The following STAG1 variants were observed in gnomAD, a reference collection of about 807,000 sequenced individuals.
STAG1 encodes cohesin subunit SA-1.
Under a neutral mutation model 170.9 loss-of-function variants are expected in STAG1, and 26 were observed. The ratio of observed to expected loss-of-function variants is 0.15; its 90% confidence interval spans 0.11 to 0.21. The LOEUF is 0.21. Ranked by LOEUF, STAG1 falls within the 10% of genes least tolerant of loss-of-function variation. STAG1 has a pLI of 1.00. For synonymous variants in STAG1, 514 were observed against 497.7 expected (o/e 1.03, Z -0.44); for missense variants, 964 against 1,509.5 (o/e 0.64, Z 5.99).
In STAG1 at chr3:136,473,907, G is replaced by A. The variant is rs77308540; in HGVS notation, c.1027-270C>T. Among the ~76,000 whole-genome samples, 978 of 152,178 alleles carry A rather than the reference G, an allele frequency of 6.4e-3. 12 individuals carry two copies. The highest frequency in any genetic ancestry group is 0.022 in the African/African-American group (928 of 41,526). On this transcript the variant is annotated intron_variant, in intron 10 of 33. Transcript: ENST00000383202. Reference sequence around the variant, plus strand: ...TGACTCAACATGTGGTATAACCCACGTCATCCAGAGGCACAAAGAGAGAAT... The same window carrying A: ...TGACTCAACATGTGGTATAACCCACATCATCCAGAGGCACAAAGAGAGAAT...
chr3:136,387,747 C>T (rs1236701434), intron 22 of STAG1, among the ~76,000 whole-genome samples: 1 of 152,186 alleles, frequency 6.6e-6, no homozygotes, highest in African/African-American at 2.4e-5. Flanking sequence ...TCTGAATCCC[C>T]ACCTGCTGAC....
At chr3:136,427,228 CAA>C (rs1207772784) in intron 16 of STAG1, among the ~76,000 whole-genome samples, 30 of 109,954 alleles carry the variant, frequency 2.7e-4, no homozygotes, top group South Asian at 8.2e-4. Flanking sequence ...GACTCCAACT[CAA>C]AAAAAAAAAA....
chr3:136,400,262 C>A (rs2087280905), intron 21 of STAG1, among the ~76,000 whole-genome samples: 1 of 151,274 alleles, frequency 6.6e-6, no homozygotes, highest in Non-Finnish European at 1.5e-5. Flanking sequence ...GAGTCTTGCT[C>A]TGTTGCCCAG....
intron 7 of STAG1, among the ~76,000 whole-genome samples, chr3:136,516,549 G>T (rs1195544551): frequency 6.6e-6 from 1 of 151,872 alleles, no homozygotes; most frequent in Non-Finnish European, 1.5e-5. Context: ...GAAAATGCAT[G>T]CTGTTCGTTT....
intron 26 of STAG1, among the ~76,000 whole-genome samples, chr3:136,362,921 G>A (rs995019057): frequency 6.6e-6 from 1 of 151,598 alleles, no homozygotes; most frequent in African/African-American, 2.4e-5. Flanking sequence ...TATATATTAT[G>A]TATTTTTATA....
chr3:136,495,363 CAGAAGA>C (rs1247590272), intron 9 of STAG1, among the ~76,000 whole-genome samples: 1 of 151,948 alleles, frequency 6.6e-6, no homozygotes, highest in Non-Finnish European at 1.5e-5. Context: ...AAATAAAACA[CAGAAGA>C]AATCTTAGGG....
intron 1 of STAG1, among the ~76,000 whole-genome samples, chr3:136,751,650 G>A (rs1047515978): frequency 2.0e-5 from 3 of 151,942 alleles, no homozygotes; most frequent in African/African-American, 4.8e-5. Context: ...CCCGCCGAGC[G>A]ACCCCCCAGG....
chr3:136,475,300 C>T (rs1369156690), intron 10 of STAG1, among the ~76,000 whole-genome samples: 1 of 151,990 alleles, frequency 6.6e-6, no homozygotes, highest in Non-Finnish European at 1.5e-5. Flanking sequence ...GTGCCCACCA[C>T]CATGCCCAGC....
intron 15 of STAG1, among the ~76,000 whole-genome samples, chr3:136,438,260 G>A (rs557300946): frequency 1.8e-5 from 2 of 113,688 alleles, no homozygotes; most frequent in Non-Finnish European, 3.7e-5. Context: ...TTTTTTTTGA[G>A]ATGGAGTCTC....
At chr3:136,710,510 T>A (rs1407784510) in intron 1 of STAG1, among the ~76,000 whole-genome samples, 3 of 152,156 alleles carry the variant, frequency 2.0e-5, no homozygotes, top group East Asian at 1.9e-4. Context: ...CCCGGTACTT[T>A]GCTTCTTTTC....
At chr3:136,639,646 G>A (rs552723929) in intron 1 of STAG1, among the ~76,000 whole-genome samples, 6 of 152,228 alleles carry the variant, frequency 3.9e-5, no homozygotes, top group Non-Finnish European at 5.9e-5. Context: ...CAGTACTTAC[G>A]AGAAAACTGT....
intron 9 of STAG1, among the ~76,000 whole-genome samples, chr3:136,497,902 T>C (rs1559841426): frequency 6.9e-6 from 1 of 145,722 alleles, no homozygotes; most frequent in Non-Finnish European, 1.5e-5. Flanking sequence ...TATGAAAATA[T>C]TACAGCTAGG....
At position 136,473,228 on chromosome 3, in the gene STAG1, C is replaced by T. The variant is rs534975475; in HGVS notation, c.1125+311G>A. Among the ~76,000 whole-genome samples the T allele has an allele frequency of 9.2e-5, 14 of 152,228 alleles. No individual in the cohort carries two copies. In the South Asian group the frequency reaches 2.9e-3, roughly 32 times the overall value. On this transcript the variant is annotated intron_variant, in intron 11 of 33. Coordinates refer to ENST00000383202, the MANE Select transcript of STAG1 (RefSeq NM_005862.3). ...TAGTTGCAGGAAAACAAGTTCAGGGCTGCAATGATTCTACCTTATGGTGAG... is the reference window on the plus strand; with the variant it reads ...TAGTTGCAGGAAAACAAGTTCAGGGTTGCAATGATTCTACCTTATGGTGAG...
At chr3:136,541,066 T>C (rs1466648651) in intron 6 of STAG1, among the ~76,000 whole-genome samples, 2 of 152,026 alleles carry the variant, frequency 1.3e-5, no homozygotes, top group African/African-American at 4.8e-5. Flanking sequence ...TGGTATACAT[T>C]AGAATCACCT....
chr3:136,365,959 C>G (rs1937058659), intron 25 of STAG1, among the ~76,000 whole-genome samples: 1 of 151,390 alleles, frequency 6.6e-6, no homozygotes, highest in Non-Finnish European at 1.5e-5. Flanking sequence ...CTAGTAAGCT[C>G]CTATTTATCC....
At chr3:136,559,205 A>C (rs903507709) in intron 5 of STAG1, among the ~76,000 whole-genome samples, 2 of 152,160 alleles carry the variant, frequency 1.3e-5, no homozygotes, top group African/African-American at 4.8e-5. Flanking sequence ...AGAATTCATT[A>C]AAATAGATTG....
At chr3:136,734,112 A>C (rs1209888133) in intron 1 of STAG1, among the ~76,000 whole-genome samples, 1 of 145,372 alleles carries the variant, frequency 6.9e-6, no homozygotes, top group Non-Finnish European at 1.5e-5. Flanking sequence ...CCATCTCAAA[A>C]AAAAAAAAAA....
intron 13 of STAG1, among the ~76,000 whole-genome samples, chr3:136,453,026 G>A (rs146630666): frequency 6.6e-6 from 1 of 152,062 alleles, no homozygotes; most frequent in Non-Finnish European, 1.5e-5. Context: ...CTGACCTCAA[G>A]TGATACCCCT....
Position 136,470,734 on chromosome 3 carries a change from C to T in STAG1, c.1205+1679G>A, listed in dbSNP as rs148752693. Among the ~76,000 whole-genome samples, 977 of 152,208 alleles carry T rather than the reference C, an allele frequency of 6.4e-3. 12 individuals are homozygous for T. Among genetic ancestry groups the T allele is most frequent in the African/African-American group, 0.022 (928 of 41,528 alleles). ...CAATAGCAAAGACTTAGAACCAACC[C>T]AAATGTCCATCAATGATAGACTGGA... On this transcript the variant is annotated intron_variant, in intron 12 of 33. Transcript: ENST00000383202.
Sources: gnomAD v4.1 joint callset for allele counts (sites outside exome capture counted in the v4.1 genomes callset) on GRCh38, gnomAD v4.1.1 for gene constraint, MANE v1.5 for transcripts, NCBI Gene and HGNC (gene_info 2026-07-23, HGNC 2026-07-21) for gene names.